The following MEX3C variants were observed in gnomAD, a reference collection of about 807,000 sequenced individuals.
MEX3C encodes mex-3 RNA binding family member C.
In MEX3C, 15 loss-of-function variants were observed where a neutral mutation model predicts 35.5. The observed-to-expected ratio is 0.42, with a 90% CI of 0.28 to 0.65. MEX3C has a LOEUF of 0.65. MEX3C is among the 30% of genes least tolerant of loss of function. The probability of loss-of-function intolerance (pLI) is 0.20; values close to 1 mark genes in which losing one functional copy is unlikely to be tolerated. For missense variants in MEX3C, 711 were observed against 842.8 expected (o/e 0.84, Z 1.94); for synonymous variants, 390 against 352.8 (o/e 1.11, Z -1.18).
At position 51,197,084 on chromosome 18, in the gene MEX3C, G is replaced by T. The variant is rs1414277163; in HGVS notation, c.237C>A (p.Gly79=). The T allele has an allele frequency of 5.7e-6, 7 of 1,220,122 alleles. No homozygotes were observed. The highest frequency in any genetic ancestry group is 5.1e-6 in the Non-Finnish European group (5 of 982,848). The allele number at this position is 1,220,122 out of a possible 1,614,324, so 75.6% of individuals were successfully genotyped here. A position where few individuals can be genotyped will look rare whatever the true frequency, so the allele number is the denominator to read the frequency against. The part of the protein sequence containing the change: ...ALRAPAAAAQ[G]QARRAAELSP... ...ACAGCTCCGCCGCCCGCCGGGCCTG[G>T]CCCTGCGCCGCCGCTGCCGGGGCCC... The change falls in exon 1 of 2, where the codon GGC becomes GGA. Residue 79 remains glycine (G), a synonymous_variant. Transcript: ENST00000406189.
intron 1 of MEX3C, among the ~76,000 whole-genome samples, chr18:51,181,728 C>A (rs539382454): frequency 2.0e-5 from 3 of 152,248 alleles, no homozygotes; most frequent in African/African-American, 7.2e-5. Context: ...TAATGGAATG[C>A]TATACACTCA....
chr18:51,192,435 T>C (rs984996436), intron 1 of MEX3C, among the ~76,000 whole-genome samples: 23 of 152,118 alleles, frequency 1.5e-4, no homozygotes, highest in Non-Finnish European at 2.6e-4. Flanking sequence ...AGCTAGTGTC[T>C]ATATATATAC....
At chr18:51,193,271 A>G (rs959743651) in intron 1 of MEX3C, 10 of 152,202 alleles carry the variant, frequency 6.6e-5, no homozygotes. Flanking sequence ...GAGAACACAC[A>G]TAGACCATTA....
At chr18:51,196,446 C>G in intron 1 of MEX3C, 121 bp downstream of exon 1, 9 of 1,463,176 alleles carry the variant, frequency 6.2e-6, no homozygotes, top group Non-Finnish European at 8.1e-6. Context: ...CTCCCAGACC[C>G]CTTCGCGGTG....
At chr18:51,188,009 A>G (rs1488805092) in intron 1 of MEX3C, among the ~76,000 whole-genome samples, 1 of 152,230 alleles carries the variant, frequency 6.6e-6, no homozygotes, top group African/African-American at 2.4e-5. Context: ...CATGTACACA[A>G]CATTAATTCA....
At chr18:51,190,188 T>A (rs550589143) in intron 1 of MEX3C, among the ~76,000 whole-genome samples, 1 of 152,254 alleles carries the variant, frequency 6.6e-6, no homozygotes, top group East Asian at 1.9e-4. Context: ...AAGTGATTTA[T>A]CCAAGGTCAC....
At chr18:51,184,410 T>A (rs1271458818) in intron 1 of MEX3C, among the ~76,000 whole-genome samples, 1 of 152,162 alleles carries the variant, frequency 6.6e-6, no homozygotes, top group Non-Finnish European at 1.5e-5. Context: ...GCAGTAACTG[T>A]TACAAAGTAA....
At position 51,196,799 on chromosome 18, in the gene MEX3C, G is replaced by A. The variant is rs1370863474; in HGVS notation, c.522C>T (p.Ala174=). Residue 174 remains alanine (A), a synonymous_variant, in exon 1 of 2, where the codon GCC becomes GCT. Transcript: ENST00000406189. ...SVLLPAARFD[A]REAAAAAAAA... Reference sequence around the variant, plus strand: ...CCGCCGCCGCGGCCGCCGCCTCCCGGGCATCGAACCTGGCGGCTGGCAGCA... The same window carrying A: ...CCGCCGCCGCGGCCGCCGCCTCCCGAGCATCGAACCTGGCGGCTGGCAGCA... 1 of 1,530,792 alleles carries A rather than the reference G, an allele frequency of 6.5e-7. No individual in the cohort carries two copies. The highest frequency in any genetic ancestry group is 8.7e-7 in the Non-Finnish European group (1 of 1,144,236). The allele number at this position is 1,530,792 out of a possible 1,614,324, so 94.8% of individuals were successfully genotyped here.
chr18:51,189,963 G>T (rs1286796907), intron 1 of MEX3C, among the ~76,000 whole-genome samples: 1 of 152,090 alleles, frequency 6.6e-6, no homozygotes, highest in African/African-American at 2.4e-5. Flanking sequence ...ACTAGCATTT[G>T]TTCAGAGTAT....
chr18:51,181,162 A>C (rs1912420767), intron 1 of MEX3C, among the ~76,000 whole-genome samples: 1 of 152,212 alleles, frequency 6.6e-6, no homozygotes, highest in Non-Finnish European at 1.5e-5. Flanking sequence ...GAGTGAAATA[A>C]AATTCAGAAG....
At chr18:51,190,029 G>A (rs1912621065) in intron 1 of MEX3C, among the ~76,000 whole-genome samples, 1 of 152,140 alleles carries the variant, frequency 6.6e-6, no homozygotes, top group Admixed American at 6.5e-5. Flanking sequence ...TATCATCTCT[G>A]TACTTTCAAT....
intron 1 of MEX3C, 106 bp downstream of exon 1, chr18:51,196,461 T>A (rs1284417784): frequency 6.8e-7 from 1 of 1,474,606 alleles, no homozygotes; most frequent in Admixed American, 2.3e-5. Context: ...GCGGTGGACT[T>A]GGGGGCCTCG....
At position 51,197,042 on chromosome 18, in the gene MEX3C, A is replaced by G. The variant is rs1912822899; in HGVS notation, c.279T>C (p.Ala93=). The change falls in exon 1 of 2, where the codon GCT becomes GCC. Residue 93 remains alanine, a synonymous_variant. Transcript: ENST00000406189. ...CCGGGGCCCCGGGCCGGCCGGGCGG[A>G]GCCCGCTCCTCTGGAGACAGCTCCG... ...RAAELSPEER[A]PPGRPGAPEA... is the part of the protein sequence containing the mutation. 6.6e-7 allele frequency: 1 copy of G among 1,508,334 alleles called. No individual in the cohort carries two copies. Among genetic ancestry groups the G allele is most frequent in the Admixed American group, 2.1e-5 (1 of 48,336 alleles). The allele number at this position is 1,508,334 out of a possible 1,614,324, so 93.4% of individuals were successfully genotyped here. A position where few individuals can be genotyped will look rare whatever the true frequency, so the allele number is the denominator to read the frequency against.
Position 51,196,937 on chromosome 18 carries a change from C to T in MEX3C, c.384G>A (p.Glu128=). 1 of 1,544,360 alleles carries T rather than the reference C, an allele frequency of 6.5e-7. No homozygotes were observed. Among genetic ancestry groups the T allele is most frequent in the Non-Finnish European group, 8.7e-7 (1 of 1,145,968 alleles). The change falls in exon 1 of 2, where the codon GAG becomes GAA. Residue 128 remains glutamate, a synonymous_variant. Coordinates refer to ENST00000406189, the MANE Select transcript of MEX3C (RefSeq NM_016626.5). ...AELDGDLLEE[E]ELEEAEEEDR... Reference sequence around the variant, plus strand: ...CCTCCTCCTCTGCTTCCTCCAGCTCCTCCTCCTCCAGCAGGTCTCCGTCCA... The same window carrying T: ...CCTCCTCCTCTGCTTCCTCCAGCTCTTCCTCCTCCAGCAGGTCTCCGTCCA...
intron 1 of MEX3C, among the ~76,000 whole-genome samples, chr18:51,186,177 G>A (rs1394453941): frequency 6.6e-6 from 1 of 152,146 alleles, no homozygotes; most frequent in East Asian, 1.9e-4. Context: ...AGATGCTAGT[G>A]CTACTTCCAG....
In MEX3C at chr18:51,176,229, TA is replaced by T. The variant is rs1188848032; in HGVS notation, c.*121del. ...TATAAGTTTACTAACAACTTTAGCC[TA>T]ATCCCAATAAAGCCTGATAACAGTC... is the stretch of plus-strand genomic sequence containing the variant. On this transcript the variant is annotated 3_prime_UTR_variant, in exon 2 of 2. Transcript: ENST00000406189. 1 of 1,009,872 alleles carries T rather than the reference TA, an allele frequency of 9.9e-7. No individual in the cohort carries two copies. The highest frequency in any genetic ancestry group is 1.4e-6 in the Non-Finnish European group (1 of 715,200). 62.6% of individuals were successfully genotyped at this position (1,009,872 alleles called of 1,614,324 possible). A position where few individuals can be genotyped will look rare whatever the true frequency, so the allele number is the denominator to read the frequency against.
chr18:51,197,220 GGC>G lies in MEX3C; in HGVS notation c.99_100del (p.Pro34AlafsTer220). 1 of 998,480 alleles carries G rather than the reference GGC, an allele frequency of 1.0e-6. No homozygotes were observed. The highest frequency in any genetic ancestry group is 1.2e-6 in the Non-Finnish European group (1 of 840,868). The allele number at this position is 998,480 out of a possible 1,614,324, so 61.9% of individuals were successfully genotyped here. On this transcript the variant is annotated frameshift_variant, in exon 1 of 2. Transcript: ENST00000406189. LOFTEE classifies it high-confidence loss of function. ...CTCGAGCTCCGGGCCGCCCGAGGGCGGCGGCAGAGGCGGCGGTGGCGGCGGCG... is the reference window on the plus strand; with the variant it reads ...CTCGAGCTCCGGGCCGCCCGAGGGCGGGCAGAGGCGGCGGTGGCGGCGGCG...
chr18:51,178,508 C>A (rs897822598), intron 1 of MEX3C, among the ~76,000 whole-genome samples: 1 of 151,936 alleles, frequency 6.6e-6, no homozygotes, highest in Non-Finnish European at 1.5e-5. Flanking sequence ...TTTCAAAGAC[C>A]CTAACTTGAG....
At chr18:51,190,099 G>C (rs1357300984) in intron 1 of MEX3C, among the ~76,000 whole-genome samples, 1 of 152,156 alleles carries the variant, frequency 6.6e-6, no homozygotes, top group Non-Finnish European at 1.5e-5. Flanking sequence ...ACAAATGAGG[G>C]AGAGGGGAGA....
Sources: gnomAD v4.1 joint callset for allele counts (sites outside exome capture counted in the v4.1 genomes callset) on GRCh38, gnomAD v4.1.1 for gene constraint, MANE v1.5 for transcripts, NCBI Gene and HGNC (gene_info 2026-07-23, HGNC 2026-07-21) for gene names.